AKT3: variants seen among roughly 807,000 people sequenced by gnomAD.
The protein encoded by AKT3 is AKT serine/threonine kinase 3.
In AKT3, 15 loss-of-function variants were observed where a neutral mutation model predicts 65.3. The ratio of observed to expected loss-of-function variants is 0.23; its 90% CI spans 0.15 to 0.35. AKT3 has a LOEUF of 0.35. AKT3 is among the 10% of genes least tolerant of loss of function. The probability of loss-of-function intolerance (pLI) is 1.00; values close to 1 mark genes in which losing one functional copy is unlikely to be tolerated. For synonymous variants in AKT3, 206 were observed against 183.8 expected, an observed-to-expected ratio of 1.12 and a Z score of -0.98; for missense variants, 243 against 576.5, an observed-to-expected ratio of 0.42 and a Z score of 5.92.
intron 2 of AKT3, among the ~76,000 whole-genome samples, chr1:243,698,127 CTTA>C (rs1685177536): frequency 6.6e-6 from 1 of 151,958 alleles, no homozygotes; most frequent in Non-Finnish European, 1.5e-5. Context: ...CTTAATTGCT[CTTA>C]TTTTATTTTT....
rs1215513013 is a variant in AKT3 at position 243,752,935 on chromosome 1, G to A, written c.47-57219C>T. On this transcript the variant is annotated intron_variant, in intron 2 of 13. Coordinates refer to ENST00000673466, the MANE Select transcript of AKT3 (RefSeq NM_005465.7). ...CAGACTTCGTCCCAAGCAGACATCT[G>A]AAGTGGGCAAATGGAATTTTGGCAT... 3.3e-5 allele frequency among the ~76,000 whole-genome samples: 5 copies of A among 152,168 alleles called. No homozygotes were observed. In the East Asian group the frequency reaches 7.7e-4, roughly 23 times the overall value.
downstream of AKT3, among the ~76,000 whole-genome samples, chr1:243,499,200 G>GTA (rs1668872999): frequency 1.3e-5 from 2 of 152,186 alleles, no homozygotes; most frequent in Non-Finnish European, 2.9e-5. Flanking sequence ...AAAACTAAGA[G>GTA]ACCTCAGTAC....
chr1:243,759,654 TG>T (rs1347659740), intron 2 of AKT3, among the ~76,000 whole-genome samples: 1 of 152,206 alleles, frequency 6.6e-6, no homozygotes, highest in East Asian at 1.9e-4. Flanking sequence ...CACATCTTAG[TG>T]TAAGTTTAAG....
chr1:243,632,576 A>C (rs1017609094), intron 6 of AKT3, among the ~76,000 whole-genome samples: 1 of 152,204 alleles, frequency 6.6e-6, no homozygotes, highest in Admixed American at 6.5e-5. Context: ...GCTTCAACTT[A>C]AAGTCACCAA....
At chr1:243,688,138 TTAAA>T (rs1199000808) in intron 3 of AKT3, among the ~76,000 whole-genome samples, 1 of 152,068 alleles carries the variant, frequency 6.6e-6, no homozygotes, top group Non-Finnish European at 1.5e-5. Flanking sequence ...AAAATGTTTT[TTAAA>T]TAAAGTAAAT....
At chr1:243,557,598 A>C (rs1307023175) in intron 10 of AKT3, among the ~76,000 whole-genome samples, 1 of 152,040 alleles carries the variant, frequency 6.6e-6, no homozygotes, top group Non-Finnish European at 1.5e-5. Flanking sequence ...TTACCCAGAA[A>C]ATCATATAAA....
chr1:243,730,190 G>A (rs1687460993), intron 2 of AKT3, among the ~76,000 whole-genome samples: 1 of 152,104 alleles, frequency 6.6e-6, no homozygotes, highest in Non-Finnish European at 1.5e-5. Context: ...TCCTGCCCAG[G>A]GACCAATCAG....
At chr1:243,815,616 C>CTTT (rs200053952) in intron 2 of AKT3, among the ~76,000 whole-genome samples, 2 of 140,978 alleles carry the variant, frequency 1.4e-5, no homozygotes, top group Non-Finnish European at 3.1e-5. Flanking sequence ...ATCTATATTG[C>CTTT]TTTTTTTTTT....
At chr1:243,640,732 C>T (rs555277864) in intron 5 of AKT3, among the ~76,000 whole-genome samples, 1 of 152,186 alleles carries the variant, frequency 6.6e-6, no homozygotes, top group African/African-American at 2.4e-5. Flanking sequence ...CATGTATAAG[C>T]TGTAGGCAGC....
intron 8 of AKT3, among the ~76,000 whole-genome samples, chr1:243,604,177 G>A (rs913111690): frequency 2.6e-5 from 4 of 152,102 alleles, no homozygotes; most frequent in African/African-American, 9.7e-5. Flanking sequence ...TTCCAAGCAT[G>A]AGCCACCACA....
At chr1:243,622,100 C>G (rs1018954417) in intron 6 of AKT3, among the ~76,000 whole-genome samples, 1 of 152,190 alleles carries the variant, frequency 6.6e-6, no homozygotes, top group Non-Finnish European at 1.5e-5. Flanking sequence ...AAGCCAATAT[C>G]CTTACAAACA....
chr1:243,642,385 C>T (rs985480826), intron 5 of AKT3, among the ~76,000 whole-genome samples: 18 of 152,256 alleles, frequency 1.2e-4, no homozygotes, highest in Non-Finnish European at 2.6e-4. Flanking sequence ...TCTCGGCTCA[C>T]TGCAAGCTCT....
At chr1:243,671,312 C>A (rs890240813) in intron 3 of AKT3, among the ~76,000 whole-genome samples, 5 of 152,094 alleles carry the variant, frequency 3.3e-5, no homozygotes, top group Admixed American at 3.3e-4. Context: ...GATTTCCTGA[C>A]CTCATGATCC....
intron 2 of AKT3, among the ~76,000 whole-genome samples, chr1:243,813,516 A>T (rs202038011): frequency 1.1e-5 from 1 of 90,144 alleles, no homozygotes; most frequent in Non-Finnish European, 2.2e-5. Context: ...AGTACATAAT[A>T]AAAAAAAAAT....
At chr1:243,656,474 C>T (rs184702626) in intron 4 of AKT3, among the ~76,000 whole-genome samples, 2 of 152,174 alleles carry the variant, frequency 1.3e-5, no homozygotes, top group African/African-American at 2.4e-5. Flanking sequence ...TACAAGTATA[C>T]GCTAAGTACA....
At chr1:243,665,675 T>C (rs899017510) in intron 3 of AKT3, among the ~76,000 whole-genome samples, 6 of 152,214 alleles carry the variant, frequency 3.9e-5, no homozygotes, top group Admixed American at 2.6e-4. Context: ...GGAAACAGTA[T>C]CTACATCATA....
intron 3 of AKT3, among the ~76,000 whole-genome samples, chr1:243,686,989 G>C (rs772848241): frequency 4.0e-5 from 6 of 151,836 alleles, no homozygotes; most frequent in Non-Finnish European, 8.8e-5. Flanking sequence ...GATCCTCACT[G>C]TAAGCCTGTG....
intron 2 of AKT3, chr1:243,818,218 T>C (rs932620346): frequency 2.0e-5 from 3 of 152,322 alleles, no homozygotes; most frequent in African/African-American, 7.2e-5. Flanking sequence ...ACACTTACTA[T>C]GTACCTGGCA....
At chr1:243,543,210 C>T (rs1381533189) in intron 12 of AKT3, among the ~76,000 whole-genome samples, 1 of 152,148 alleles carries the variant, frequency 6.6e-6, no homozygotes, top group Non-Finnish European at 1.5e-5. Flanking sequence ...ATGTCTAACC[C>T]AGTGGAGCTG....
Sources: allele counts gnomAD v4.1 joint callset (sites outside exome capture counted in the v4.1 genomes callset), GRCh38; gene constraint gnomAD v4.1.1; transcripts MANE v1.5; gene names NCBI Gene and HGNC (gene_info 2026-07-23, HGNC 2026-07-21).